ATXN7L1: variants seen among roughly 807,000 people sequenced by gnomAD.
ATXN7L1 encodes ataxin-7-like protein 1.
ATXN7L1 carries 15 observed loss-of-function variants against 70.8 expected under a neutral mutation model. The ratio of observed to expected loss-of-function variants is 0.21; its 90% CI spans 0.14 to 0.33. The LOEUF is 0.33. ATXN7L1 is among the 10% of genes least tolerant of loss of function. The pLI is 1.00. For synonymous variants in ATXN7L1, 440 were observed against 445.1 expected (o/e 0.99, Z 0.14); for missense variants, 975 against 1,097.1 (o/e 0.89, Z 1.57).
chr7:105,842,235 T>C (rs1813326968), intron 2 of ATXN7L1, among the ~76,000 whole-genome samples: 2 of 151,854 alleles, frequency 1.3e-5, no homozygotes, highest in African/African-American at 2.4e-5. Context: ...GTAAAATTCA[T>C]ATAACACAAA....
chr7:105,809,972 A>G (rs1377159161), intron 2 of ATXN7L1, among the ~76,000 whole-genome samples: 1 of 152,040 alleles, frequency 6.6e-6, no homozygotes, highest in African/African-American at 2.4e-5. Context: ...AGGTCTCACT[A>G]TGTTGCCCAG....
At chr7:105,656,818 G>C (rs571492808) in intron 4 of ATXN7L1, among the ~76,000 whole-genome samples, 33 of 152,268 alleles carry the variant, frequency 2.2e-4, no homozygotes, top group African/African-American at 7.7e-4. Context: ...TGGTCCACCC[G>C]CCTCGGCCTC....
chr7:105,851,173 G>T (rs212416), intron 2 of ATXN7L1, among the ~76,000 whole-genome samples: 143,424 of 152,156 alleles, frequency 0.94, 67,677 homozygotes, highest in East Asian at 0.98. Context: ...CCATCTATAG[G>T]ATGGCAGCTG....
rs1468962980 is a variant in ATXN7L1, at chr7:105,731,759, A to AAAAGAAAAGAAAAGAGAAAAG, written c.355+56844_355+56845insCTTTTCTCTTTTCTTTTCTTT. ...CTTTCTTACTCCTTAAAAAGAAAAGAAAAGAAAAGAAAAGAAAAGAAAAGA... is the reference window on the plus strand; with the variant it reads ...CTTTCTTACTCCTTAAAAAGAAAAGAAAAGAAAAGAAAAGAGAAAAGAAAGAAAAGAAAAGAAAAGAAAAGA... On this transcript the variant is annotated intron_variant, in intron 3 of 11. Coordinates refer to ENST00000419735, the MANE Select transcript of ATXN7L1 (RefSeq NM_020725.2). Among the ~76,000 whole-genome samples, 75 of 144,830 alleles carry AAAAGAAAAGAAAAGAGAAAAG rather than the reference A, an allele frequency of 5.2e-4. 2 individuals are homozygous for AAAAGAAAAGAAAAGAGAAAAG. The highest frequency in any genetic ancestry group is 1.1e-3 in the South Asian group (5 of 4,450).
intron 3 of ATXN7L1, among the ~76,000 whole-genome samples, chr7:105,773,125 T>C (rs1234434492): frequency 6.6e-6 from 1 of 152,218 alleles, no homozygotes; most frequent in Non-Finnish European, 1.5e-5. Context: ...GTGGTTTTTT[T>C]CCTATGTGTG....
intron 2 of ATXN7L1, among the ~76,000 whole-genome samples, chr7:105,823,527 G>A (rs895745853): frequency 8.5e-5 from 13 of 152,140 alleles, no homozygotes; most frequent in African/African-American, 3.1e-4. Flanking sequence ...TTTTAAGAAG[G>A]AAGGAATTAT....
intron 3 of ATXN7L1, among the ~76,000 whole-genome samples, chr7:105,700,552 C>T (rs1584770715): frequency 6.7e-6 from 1 of 148,474 alleles, no homozygotes; most frequent in Non-Finnish European, 1.5e-5. Context: ...CTCCTGGCAG[C>T]AATGTTGCTC....
chr7:105,757,223 G>C (rs974477928), intron 3 of ATXN7L1, among the ~76,000 whole-genome samples: 2 of 115,628 alleles, frequency 1.7e-5, no homozygotes, highest in African/African-American at 5.6e-5. Flanking sequence ...TCAGGTTTGT[G>C]AGGCCTCCTC....
chr7:105,681,262 T>C (rs1368915901), intron 3 of ATXN7L1, among the ~76,000 whole-genome samples: 2 of 152,120 alleles, frequency 1.3e-5, no homozygotes, highest in African/African-American at 4.8e-5. Context: ...CCATCTCTAC[T>C]AAAAATACAA....
chr7:105,614,758 G>A lies in ATXN7L1; in HGVS notation c.1576C>T (p.Pro526Ser), dbSNP rs896651515. 19 of 1,551,742 alleles carry A rather than the reference G, an allele frequency of 1.2e-5. No individual in the cohort carries two copies. The highest frequency in any genetic ancestry group is 5.9e-5 in the Admixed American group (3 of 51,006). Residue 526 changes from proline (P) to serine (S), a missense_variant, in exon 10 of 12, where the codon CCC becomes TCC. Around this residue, in one of 5 missense-constraint regions of ATXN7L1, gnomAD observed 635 missense variants for 699.4 expected, o/e 0.91. Transcript: ENST00000419735. The surrounding 1 kb of genome is among the most constrained non-coding windows in gnomAD (Gnocchi z 4.3). ...LPSPAAHITT[P>S]VPASVLQPFS... ...GGCTGCAAAACGGATGCTGGAACGG[G>A]GGTGGTGATGTGGGCTGCTGGCGAG...
At chr7:105,629,377 C>T (rs893462442) in intron 7 of ATXN7L1, among the ~76,000 whole-genome samples, 2 of 151,802 alleles carry the variant, frequency 1.3e-5, no homozygotes, top group African/African-American at 4.8e-5. Context: ...CATTCTCTGT[C>T]TGATTTCACT....
At chr7:105,853,187 C>T (rs1474351447) in intron 2 of ATXN7L1, among the ~76,000 whole-genome samples, 1 of 152,166 alleles carries the variant, frequency 6.6e-6, no homozygotes, top group East Asian at 1.9e-4. Flanking sequence ...CTTAGTAACG[C>T]TGAATTATAC....
At chr7:105,785,087 ACCT>A (rs1804099939) in intron 3 of ATXN7L1, among the ~76,000 whole-genome samples, 1 of 152,192 alleles carries the variant, frequency 6.6e-6, no homozygotes, top group African/African-American at 2.4e-5. Flanking sequence ...CAAAGCACTG[ACCT>A]CCTAAGCCTT....
At chr7:105,650,600 G>A (rs1799687286) in intron 4 of ATXN7L1, among the ~76,000 whole-genome samples, 1 of 152,194 alleles carries the variant, frequency 6.6e-6, no homozygotes, top group South Asian at 2.1e-4. Flanking sequence ...AGAAAAATGG[G>A]TTAGCAGGGC....
intron 2 of ATXN7L1, among the ~76,000 whole-genome samples, chr7:105,812,553 T>G (rs1315945080): frequency 1.3e-5 from 2 of 152,206 alleles, no homozygotes; most frequent in Non-Finnish European, 2.9e-5. Context: ...ACTCGAGTCC[T>G]TAATACGAAA....
At chr7:105,774,062 T>A (rs934315981) in intron 3 of ATXN7L1, among the ~76,000 whole-genome samples, 6 of 152,012 alleles carry the variant, frequency 3.9e-5, no homozygotes, top group Non-Finnish European at 8.8e-5. Context: ...ACTGCCACCA[T>A]CACCAGTACC....
chr7:105,745,284 G>C (rs372078063), intron 3 of ATXN7L1, among the ~76,000 whole-genome samples: 4 of 152,012 alleles, frequency 2.6e-5, no homozygotes, highest in Admixed American at 1.3e-4. Context: ...ATATATATAG[G>C]GGAGGGGGTG....
In ATXN7L1 at chr7:105,618,782, G is replaced by A. The variant is rs1490507427; in HGVS notation, c.1517+1418C>T. Among the ~76,000 whole-genome samples the A allele has an allele frequency of 2.0e-5, 3 of 152,310 alleles. No individual in the cohort carries two copies. In the East Asian group the frequency reaches 5.8e-4, roughly 29 times the overall value. ...GCTCACCTTTGTAGGAGTGGGGGAT[G>A]GGGATACCCAGTGGGCCGGCCTTAC... On this transcript the variant is annotated intron_variant, in intron 9 of 11. Transcript: ENST00000419735.
rs1563048921 is a variant in ATXN7L1 at position 105,733,605 on chromosome 7, C to CCCATCCATCCATCCATCCATCCAT, written c.355+54975_355+54998dup. 1.5e-4 allele frequency among the ~76,000 whole-genome samples: 2 copies of CCCATCCATCCATCCATCCATCCAT among 13,022 alleles called. 1 individual carries two copies. Among genetic ancestry groups the CCCATCCATCCATCCATCCATCCAT allele is most frequent in the African/African-American group, 5.0e-4 (2 of 3,962 alleles). 8.5% of individuals were successfully genotyped at this position (13,022 alleles called of 152,430 possible). A position where few individuals can be genotyped will look rare whatever the true frequency, so the allele number is the denominator to read the frequency against. On this transcript the variant is annotated intron_variant, in intron 3 of 11. Coordinates refer to ENST00000419735, the MANE Select transcript of ATXN7L1 (RefSeq NM_020725.2). ...ACCCATCCATCCATCCATCCATCCA[C>CCCATCCATCCATCCATCCATCCAT]CCATCCATCCATCCATCCATCCATC...
Sources: allele counts gnomAD v4.1 joint callset (sites outside exome capture counted in the v4.1 genomes callset), GRCh38; gene constraint gnomAD v4.1.1; regional missense constraint gnomAD v4.1.1; non-coding constraint Gnocchi (gnomAD v3.1); transcripts MANE v1.5; gene names NCBI Gene and HGNC (gene_info 2026-07-23, HGNC 2026-07-21).